The following FRMPD1 variants were observed in gnomAD, a reference collection of about 807,000 sequenced individuals.
FRMPD1 encodes the protein FERM and PDZ domain-containing protein 1.
In FRMPD1, 76 loss-of-function variants were observed where a neutral mutation model predicts 117.8. That is an observed-to-expected ratio of 0.65 (90% CI 0.54 to 0.78). The LOEUF is 0.78. FRMPD1 is among the 30% of genes least tolerant of loss of function. FRMPD1 has a pLI of 0.00. For missense variants in FRMPD1, 1,786 were observed against 1,964.5 expected (o/e 0.91, Z 1.72); for synonymous variants, 783 against 770.4 (o/e 1.02, Z -0.27).
chr9:37,684,998 C>G lies in FRMPD1; in HGVS notation c.-4-7640C>G, dbSNP rs979862930. 2.0e-5 allele frequency among the ~76,000 whole-genome samples: 3 copies of G among 152,124 alleles called. No individual in the cohort carries two copies. The South Asian group carries it at 6.2e-4, about 32-fold the overall frequency. ...TCAACTCCTGGGCTTAAGCAATCCT[C>G]CCTGCTCAGCCTCCCAAAGTGCTTG... On this transcript the variant is annotated intron_variant, in intron 1 of 15. Transcript: ENST00000377765.
At chr9:37,735,927 G>A (rs1287186460) in intron 13 of FRMPD1, among the ~76,000 whole-genome samples, 193 bp downstream of exon 13, 1 of 152,104 alleles carries the variant, frequency 6.6e-6, no homozygotes, top group Non-Finnish European at 1.5e-5. Flanking sequence ...GGTCCTAAAA[G>A]GTTTTTTTGC....
At chr9:37,695,816 C>T (rs2118057344) in intron 2 of FRMPD1, among the ~76,000 whole-genome samples, 1 of 152,180 alleles carries the variant, frequency 6.6e-6, no homozygotes, top group East Asian at 1.9e-4. Context: ...GGATCACTCA[C>T]TTGCTTTTTC....
At chr9:37,705,975 A>AT (rs1822689802) in intron 2 of FRMPD1, among the ~76,000 whole-genome samples, 1 of 150,430 alleles carries the variant, frequency 6.6e-6, no homozygotes, top group African/African-American at 2.5e-5. Context: ...AAATAAATAA[A>AT]TAAATAAATA....
the FRMPD1 span, among the ~76,000 whole-genome samples, chr9:37,605,770 A>G: frequency 6.6e-6 from 1 of 151,922 alleles, no homozygotes; most frequent in African/African-American, 2.4e-5. Context: ...GCTGGAGTGC[A>G]GTGGCATGAT....
chr9:37,621,398 C>T, the FRMPD1 span, among the ~76,000 whole-genome samples: 1 of 152,070 alleles, frequency 6.6e-6, no homozygotes, highest in Non-Finnish European at 1.5e-5. Flanking sequence ...CACCAAGGGT[C>T]GAAGGATAGA....
At chr9:37,607,953 G>A in the FRMPD1 span, among the ~76,000 whole-genome samples, 1 of 152,206 alleles carries the variant, frequency 6.6e-6, no homozygotes, top group Non-Finnish European at 1.5e-5. Flanking sequence ...CCTCTGAGAA[G>A]CTTGCTATTT....
At chr9:37,716,681 T>G (rs1823134567) in intron 5 of FRMPD1, among the ~76,000 whole-genome samples, 1 of 152,160 alleles carries the variant, frequency 6.6e-6, no homozygotes, top group Non-Finnish European at 1.5e-5. Flanking sequence ...CTTTGGGGGG[T>G]TGGTGGTTGT....
chr9:37,704,661 T>C (rs1457803889), intron 2 of FRMPD1, among the ~76,000 whole-genome samples: 1 of 151,978 alleles, frequency 6.6e-6, no homozygotes, highest in Non-Finnish European at 1.5e-5. Flanking sequence ...GTGAGATATA[T>C]ATATATATAT....
chr9:37,723,795 C>G (rs1486507775), intron 6 of FRMPD1, among the ~76,000 whole-genome samples: 1 of 151,606 alleles, frequency 6.6e-6, no homozygotes, highest in East Asian at 1.9e-4. Flanking sequence ...GAGTTCAAGA[C>G]CAGCCTGGCC....
the FRMPD1 span, among the ~76,000 whole-genome samples, chr9:37,645,702 G>A: frequency 6.6e-6 from 1 of 152,190 alleles, no homozygotes; most frequent in Non-Finnish European, 1.5e-5. Context: ...AGCAGTGAAT[G>A]TCTGCTTCTG....
intron 1 of FRMPD1, among the ~76,000 whole-genome samples, chr9:37,664,639 T>C (rs1484815769): frequency 6.6e-6 from 1 of 152,208 alleles, no homozygotes; most frequent in Non-Finnish European, 1.5e-5. Context: ...GGACATCAAC[T>C]TTTTGATGAA....
chr9:37,604,320 C>G, the FRMPD1 span, among the ~76,000 whole-genome samples: 1 of 152,204 alleles, frequency 6.6e-6, no homozygotes, highest in Admixed American at 6.5e-5. Flanking sequence ...ATATTGTAAC[C>G]AATCATTACT....
At chr9:37,656,727 GA>G (rs1820854172) in intron 1 of FRMPD1, among the ~76,000 whole-genome samples, 1 of 151,936 alleles carries the variant, frequency 6.6e-6, no homozygotes. Flanking sequence ...CTGCCTGAAG[GA>G]CAGTGGGAAG....
chr9:37,692,277 G>A (rs935507169), intron 1 of FRMPD1, among the ~76,000 whole-genome samples: 7 of 152,200 alleles, frequency 4.6e-5, no homozygotes, highest in African/African-American at 1.7e-4. Flanking sequence ...GAACCGCATT[G>A]TCCAGGGTTG....
rs954873866 is a variant in FRMPD1, at chr9:37,740,509, C to T, written c.1981C>T (p.Leu661=). 6.2e-7 allele frequency: 1 copy of T among 1,614,192 alleles called. No homozygotes were observed. The highest frequency in any genetic ancestry group is 8.5e-7 in the Non-Finnish European group (1 of 1,180,008). ...ETSGFLCLLD[L]AQRANPQCQK... is the part of the protein sequence containing the mutation. Reference sequence around the variant, plus strand: ...CAGTGGCTTCCTCTGTCTCCTGGACCTGGCCCAGAGAGCCAACCCCCAGTG... The same window carrying T: ...CAGTGGCTTCCTCTGTCTCCTGGACTTGGCCCAGAGAGCCAACCCCCAGTG... The change falls in exon 15 of 16, where the codon CTG becomes TTG. Residue 661 remains leucine, a synonymous_variant. Transcript: ENST00000377765. This position sits in a 1 kb window ranked among gnomAD's most constrained non-coding sequence, Gnocchi z 4.2.
chr9:37,706,347 G>T (rs1358795781), intron 2 of FRMPD1, among the ~76,000 whole-genome samples: 1 of 152,168 alleles, frequency 6.6e-6, no homozygotes, highest in East Asian at 1.9e-4. Flanking sequence ...AGAGGGAGAT[G>T]ATTTTCAGAT....
At chr9:37,700,371 T>A (rs1440535942) in intron 2 of FRMPD1, among the ~76,000 whole-genome samples, 1 of 152,262 alleles carries the variant, frequency 6.6e-6, no homozygotes, top group Non-Finnish European at 1.5e-5. Flanking sequence ...TGGTACAGAC[T>A]GATGCCTCTA....
At chr9:37,664,844 C>T (rs1821113601) in intron 1 of FRMPD1, among the ~76,000 whole-genome samples, 1 of 152,112 alleles carries the variant, frequency 6.6e-6, no homozygotes, top group Middle Eastern at 3.4e-3. Context: ...AGTAGTTTTC[C>T]TACTGACCAA....
intron 1 of FRMPD1, among the ~76,000 whole-genome samples, chr9:37,661,014 C>T (rs889889234): frequency 6.6e-6 from 1 of 152,224 alleles, no homozygotes; most frequent in African/African-American, 2.4e-5. Flanking sequence ...GTTTCTCCAT[C>T]TTATATTCTC....
Sources: allele counts gnomAD v4.1 joint callset (sites outside exome capture counted in the v4.1 genomes callset), GRCh38; gene constraint gnomAD v4.1.1; non-coding constraint Gnocchi (gnomAD v3.1); transcripts MANE v1.5; gene names NCBI Gene and HGNC (gene_info 2026-07-23, HGNC 2026-07-21).